Variants in LAMA2 observed in about 807,000 individuals in gnomAD.
LAMA2 encodes laminin subunit alpha 2, also known as laminin subunit alpha-2.
In LAMA2, 269 loss-of-function variants were observed where a neutral mutation model predicts 364.8. That is an observed-to-expected ratio of 0.74 (90% CI 0.67 to 0.82). LAMA2 has a LOEUF of 0.82. Ranked by LOEUF, LAMA2 falls within the 40% of genes least tolerant of loss-of-function variation. The pLI, the probability that LAMA2 is intolerant of heterozygous loss-of-function variation, is 0.00. For synonymous variants in LAMA2, 1,379 were observed against 1,370.6 expected, an observed-to-expected ratio of 1.01 and a Z score of -0.14; for missense variants, 3,807 against 3,873.2, an observed-to-expected ratio of 0.98 and a Z score of 0.45.
In LAMA2 at chr6:129,192,819, A is replaced by G. The variant is rs370965146; in HGVS notation, c.1748A>G (p.Tyr583Cys). The change falls in exon 12 of 65, where the codon TAC becomes TGC. Residue 583 changes from tyrosine to cysteine, a missense_variant. Transcript: ENST00000421865. ...EARQALPHSY[Y>C]WSAPAPYLGN... ...CGGCAAGCCCTGCCGCACAGCTACT[A>G]CTGGAGCGCGCCGGCTCCCTATCTG... 2.5e-5 allele frequency: 40 copies of G among 1,614,048 alleles called. No individual in the cohort carries two copies. The highest frequency in any genetic ancestry group is 6.7e-5 in the Admixed American group (4 of 60,000).
intron 3 of LAMA2, among the ~76,000 whole-genome samples, chr6:129,080,457 G>A (rs1426442158): frequency 1.3e-5 from 2 of 152,104 alleles, no homozygotes; most frequent in Non-Finnish European, 2.9e-5. Flanking sequence ...TACCAAAAAT[G>A]TTTCTAACTT....
chr6:129,169,042 C>G (rs1423861129), intron 9 of LAMA2, among the ~76,000 whole-genome samples: 1 of 152,180 alleles, frequency 6.6e-6, no homozygotes, highest in Non-Finnish European at 1.5e-5. Context: ...AGTTGCTTAT[C>G]AGCTTAAGGA....
chr6:129,040,806 C>T (rs575020435), intron 1 of LAMA2, among the ~76,000 whole-genome samples: 53 of 152,110 alleles, frequency 3.5e-4, no homozygotes, highest in African/African-American at 1.1e-3. Context: ...CAAGGCTTCA[C>T]TTGCAAAAAG....
At chr6:129,255,848 T>C (rs1463701072) in intron 14 of LAMA2, among the ~76,000 whole-genome samples, 1 of 152,184 alleles carries the variant, frequency 6.6e-6, no homozygotes, top group Non-Finnish European at 1.5e-5. Context: ...GAAGACATTT[T>C]ACTGATAACA....
At chr6:128,893,853 T>A (rs1776611432) in intron 1 of LAMA2, among the ~76,000 whole-genome samples, 1 of 152,030 alleles carries the variant, frequency 6.6e-6, no homozygotes, top group South Asian at 2.1e-4. Context: ...TGAAAAATAA[T>A]TTTATATCCA....
At chr6:129,303,958 G>A (rs1008056377) in intron 22 of LAMA2, among the ~76,000 whole-genome samples, 3 of 152,112 alleles carry the variant, frequency 2.0e-5, no homozygotes, top group African/African-American at 4.8e-5. Context: ...TTATAAAAGC[G>A]TTTTCACAAT....
At chr6:129,456,754 ATTC>A (rs969370651) in intron 48 of LAMA2, among the ~76,000 whole-genome samples, 1 of 152,106 alleles carries the variant, frequency 6.6e-6, no homozygotes, top group African/African-American at 2.4e-5. Flanking sequence ...TTTTTTGTAT[ATTC>A]TTGTTTTAGT....
intron 3 of LAMA2, among the ~76,000 whole-genome samples, chr6:129,085,679 T>C (rs1446953259): frequency 6.6e-6 from 1 of 152,198 alleles, no homozygotes; most frequent in African/African-American, 2.4e-5. Context: ...CTCTAAGGAC[T>C]GTGAGTTCCA....
At chr6:129,396,155 G>A (rs1476846767) in intron 37 of LAMA2, among the ~76,000 whole-genome samples, 1 of 152,194 alleles carries the variant, frequency 6.6e-6, no homozygotes, top group Non-Finnish European at 1.5e-5. Context: ...GGCTAGAAAA[G>A]TAGGCTGGGA....
At chr6:129,245,155 G>A (rs2115165743) in intron 12 of LAMA2, among the ~76,000 whole-genome samples, 1 of 152,248 alleles carries the variant, frequency 6.6e-6, no homozygotes, top group South Asian at 2.1e-4. Flanking sequence ...TAGATATGGA[G>A]AAAGAGGGAA....
chr6:129,335,810 G>A (rs150887617), intron 29 of LAMA2, among the ~76,000 whole-genome samples: 2 of 152,238 alleles, frequency 1.3e-5, no homozygotes, highest in Non-Finnish European at 2.9e-5. Context: ...TGAACAAAAA[G>A]TATTAGAAGC....
chr6:128,916,217 A>G (rs557617035), intron 1 of LAMA2, among the ~76,000 whole-genome samples: 1 of 151,474 alleles, frequency 6.6e-6, no homozygotes, highest in South Asian at 2.1e-4. Flanking sequence ...AACAACAAAA[A>G]AAACAAAAAC....
rs116062013 is a variant in LAMA2 at position 128,898,868 on chromosome 6, G to A, written c.112+15511G>A. 8.5e-3 allele frequency among the ~76,000 whole-genome samples: 1,288 copies of A among 151,362 alleles called. 20 individuals are homozygous for A. Among genetic ancestry groups the A allele is most frequent in the African/African-American group, 0.029 (1,185 of 41,268 alleles). ...CAGCAACAGTAAAGACTTTTTTTCC[G>A]TCTCAAGGCCTTTGTCCTTGCTGTT... On this transcript the variant is annotated intron_variant, in intron 1 of 64. Coordinates refer to ENST00000421865, the MANE Select transcript of LAMA2 (RefSeq NM_000426.4).
Position 129,505,257 on chromosome 6 carries a change from A to G in LAMA2, c.8605A>G (p.Arg2869Gly), listed in dbSNP as rs903246341. 2 of 1,613,806 alleles carry G rather than the reference A, an allele frequency of 1.2e-6. No individual in the cohort carries two copies. The highest frequency in any genetic ancestry group is 1.3e-5 in the African/African-American group (1 of 74,930). The change falls in exon 61 of 65, where the codon AGA becomes GGA. Residue 2869 changes from arginine (R) to glycine (G), a missense_variant. Transcript: ENST00000421865. Reference sequence around the variant, plus strand: ...TCTTTATGTAGATGGGGCTTCCAACAGAACCATCAGTCCCAAAAAAGCCGA... The same window carrying G: ...TCTTTATGTAGATGGGGCTTCCAACGGAACCATCAGTCCCAAAAAAGCCGA... The part of the protein sequence containing the change: ...GILYVDGASN[R>G]TISPKKADIL...
chr6:129,348,397 T>G lies in LAMA2; in HGVS notation c.4437-901T>G, dbSNP rs921872656. 7.2e-5 allele frequency among the ~76,000 whole-genome samples: 11 copies of G among 152,210 alleles called. 1 individual carries two copies. The highest frequency in any genetic ancestry group is 4.6e-4 in the Admixed American group (7 of 15,274). ...TGAAGCAGCAAAAAGAAAAATGGTG[T>G]GTGCAGCATTATCTTTCTGCCACAG... On this transcript the variant is annotated intron_variant, in intron 30 of 64. Coordinates refer to ENST00000421865, the MANE Select transcript of LAMA2 (RefSeq NM_000426.4).
chr6:128,952,961 T>C (rs1013892733), intron 1 of LAMA2, among the ~76,000 whole-genome samples: 9 of 152,130 alleles, frequency 5.9e-5, no homozygotes, highest in Non-Finnish European at 1.2e-4. Flanking sequence ...CTCTGTAAGG[T>C]GCCTAAAATG....
At chr6:129,351,242 A>C (rs530875621) in intron 31 of LAMA2, among the ~76,000 whole-genome samples, 16 of 152,324 alleles carry the variant, frequency 1.1e-4, no homozygotes, top group Admixed American at 5.9e-4. Context: ...CATTTTCTAC[A>C]AAAGCATGTG....
intron 32 of LAMA2, among the ~76,000 whole-genome samples, chr6:129,354,830 A>G (rs967374043): frequency 6.6e-6 from 1 of 152,130 alleles, no homozygotes; most frequent in Non-Finnish European, 1.5e-5. Flanking sequence ...GATGATCAAT[A>G]CTTTTTTAAC....
At chr6:129,352,581 G>C (rs1562485883) in intron 31 of LAMA2, among the ~76,000 whole-genome samples, 1 of 152,126 alleles carries the variant, frequency 6.6e-6, no homozygotes, top group Non-Finnish European at 1.5e-5. Context: ...TGGTTATTTT[G>C]AGATCTGAAA....
Sources: gnomAD v4.1 joint callset for allele counts (sites outside exome capture counted in the v4.1 genomes callset) on GRCh38, gnomAD v4.1.1 for gene constraint, MANE v1.5 for transcripts, NCBI Gene and HGNC (gene_info 2026-07-23, HGNC 2026-07-21) for gene names.